Variants in C4orf17 observed in about 807,000 individuals in gnomAD.
The protein encoded by C4orf17 is uncharacterized protein C4orf17.
In C4orf17, 25 loss-of-function variants were observed where a neutral mutation model predicts 32.0. The observed-to-expected ratio is 0.78, with a 90% CI of 0.57 to 1.09. C4orf17 has a LOEUF of 1.09. Among genes scored for constraint, C4orf17 ranks in the 50% least tolerant of loss-of-function variants. The probability of loss-of-function intolerance (pLI) is 0.00; values close to 1 mark genes in which losing one functional copy is unlikely to be tolerated. For synonymous variants in C4orf17, 149 were observed against 145.8 expected (o/e 1.02, Z -0.16); for missense variants, 420 against 420.0 (o/e 1.00, Z 0.00).
chr4:99,524,696 C>T, intron 4 of C4orf17, 111 bp downstream of exon 4: 1 of 658,288 alleles, frequency 1.5e-6, no homozygotes, highest in Non-Finnish European at 2.7e-6. Context: ...ATTTTTACAG[C>T]TTTAGTAAAG....
chr4:99,538,223 C>G (rs115228296), intron 6 of C4orf17, among the ~76,000 whole-genome samples: 2,332 of 152,310 alleles, frequency 0.015, 32 homozygotes, highest in Non-Finnish European at 0.025. Flanking sequence ...CTCTTTTGGG[C>G]CCTTCCTGGC....
intron 2 of C4orf17, among the ~76,000 whole-genome samples, chr4:99,518,534 TATATATATATAGAGAGAG>T (rs1319743852): frequency 1.4e-5 from 1 of 72,596 alleles, no homozygotes; most frequent in Non-Finnish European, 2.4e-5. Context: ...TATATATATA[TATATATATATAGAGAGAG>T]AGAGAGAGAG....
At chr4:99,524,042 C>G (rs910512599) in intron 3 of C4orf17, among the ~76,000 whole-genome samples, 12 of 139,938 alleles carry the variant, frequency 8.6e-5, no homozygotes, top group South Asian at 2.3e-4. Context: ...TGCAGTGGTG[C>G]AATCTCCGCT....
intron 8 of C4orf17, 160 bp from the exon 9 acceptor site, chr4:99,541,749 GA>G (rs1008020791): frequency 8.3e-5 from 49 of 591,176 alleles, no homozygotes; most frequent in Admixed American, 1.3e-4. Context: ...GCATGTGGTG[GA>G]AAAAAAAAGA....
intron 5 of C4orf17, among the ~76,000 whole-genome samples, chr4:99,534,919 C>G (rs1024643030): frequency 2.6e-5 from 4 of 152,176 alleles, no homozygotes; most frequent in African/African-American, 9.6e-5. Context: ...CCTTCAGGAG[C>G]AAGGCAGGCC....
chr4:99,532,004 C>T (rs1723485154), intron 5 of C4orf17, among the ~76,000 whole-genome samples: 1 of 152,064 alleles, frequency 6.6e-6, no homozygotes, highest in Admixed American at 6.6e-5. Flanking sequence ...AACATAATTC[C>T]GTGTCTATTA....
At chr4:99,537,982 A>G (rs962982791) in intron 6 of C4orf17, among the ~76,000 whole-genome samples, 3 of 152,202 alleles carry the variant, frequency 2.0e-5, no homozygotes, top group African/African-American at 7.2e-5. Flanking sequence ...CATTTGGGTG[A>G]CATGAAACAC....
chr4:99,524,721 T>G, intron 4 of C4orf17, 136 bp downstream of exon 4: 1 of 569,496 alleles, frequency 1.8e-6, no homozygotes, highest in Middle Eastern at 4.0e-4. Flanking sequence ...ATTAACATAA[T>G]ATAAGATACA....
intron 4 of C4orf17, among the ~76,000 whole-genome samples, chr4:99,525,397 A>G (rs1359045920): frequency 6.6e-6 from 1 of 152,054 alleles, no homozygotes; most frequent in Non-Finnish European, 1.5e-5. Flanking sequence ...TTGTGGTTTT[A>G]ATTTGCATTT....
intron 2 of C4orf17, among the ~76,000 whole-genome samples, chr4:99,521,027 G>A (rs1020595232): frequency 1.3e-5 from 2 of 152,080 alleles, no homozygotes; most frequent in Non-Finnish European, 2.9e-5. Flanking sequence ...TAATTTGTTA[G>A]ATATTCTAAT....
At chr4:99,512,565 A>C (rs911119955) in intron 1 of C4orf17, among the ~76,000 whole-genome samples, 5 of 152,136 alleles carry the variant, frequency 3.3e-5, no homozygotes, top group African/African-American at 1.2e-4. Flanking sequence ...CTGGGTTTTA[A>C]AAGTACAATA....
intron 5 of C4orf17, among the ~76,000 whole-genome samples, chr4:99,530,238 CG>C (rs1723456561): frequency 6.6e-6 from 1 of 152,042 alleles, no homozygotes; most frequent in African/African-American, 2.4e-5. Flanking sequence ...TTCCATCTTT[CG>C]TTATCATCTT....
At chr4:99,529,401 G>A (rs1723440746) in intron 4 of C4orf17, among the ~76,000 whole-genome samples, 1 of 152,180 alleles carries the variant, frequency 6.6e-6, no homozygotes, top group African/African-American at 2.4e-5. Flanking sequence ...TTGCAGCAAG[G>A]AAGTAGCAAT....
At chr4:99,538,696 A>G (rs1445766391) in intron 6 of C4orf17, among the ~76,000 whole-genome samples, 1 of 152,196 alleles carries the variant, frequency 6.6e-6, no homozygotes, top group Non-Finnish European at 1.5e-5. Context: ...AGAAAAAAAG[A>G]GATGAGACAG....
intron 1 of C4orf17, among the ~76,000 whole-genome samples, chr4:99,511,925 A>T (rs1439723223): frequency 6.6e-6 from 1 of 152,192 alleles, no homozygotes; most frequent in Non-Finnish European, 1.5e-5. Flanking sequence ...TAGTATTTAT[A>T]TATATCAAAC....
chr4:99,542,022 A>G lies in C4orf17; in HGVS notation c.993A>G (p.Gly331=). The change falls in exon 9 of 9, where the codon GGA becomes GGG. Residue 331 remains glycine, a synonymous_variant. Coordinates refer to ENST00000326581, the MANE Select transcript of C4orf17 (RefSeq NM_032149.3). Reference sequence around the variant, plus strand: ...CCAGGCCTAACACTCAGGAGAGTGGATCAGCAAAACCAGTGTCAGCAAGGA... The same window carrying G: ...CCAGGCCTAACACTCAGGAGAGTGGGTCAGCAAAACCAGTGTCAGCAAGGA... ...SPPRPNTQES[G]SAKPVSARSI... is the part of the protein sequence containing the mutation. The G allele has an allele frequency of 6.2e-7, 1 of 1,614,108 alleles. No homozygotes were observed. Among genetic ancestry groups the G allele is most frequent in the East Asian group, 2.2e-5 (1 of 44,852 alleles).
intron 1 of C4orf17, among the ~76,000 whole-genome samples, chr4:99,512,048 G>T: frequency 6.6e-6 from 1 of 152,014 alleles, no homozygotes; most frequent in East Asian, 1.9e-4. Flanking sequence ...GTTCTAAAAA[G>T]GTAGTCAACG....
chr4:99,516,974 A>G (rs993328626), intron 2 of C4orf17, among the ~76,000 whole-genome samples: 9 of 151,244 alleles, frequency 6.0e-5, no homozygotes, highest in African/African-American at 2.2e-4. Flanking sequence ...CTATTGGCTC[A>G]AGTAACTGGA....
chr4:99,530,243 T>C (rs1723456639), intron 5 of C4orf17, among the ~76,000 whole-genome samples: 1 of 152,140 alleles, frequency 6.6e-6, no homozygotes, highest in African/African-American at 2.4e-5. Context: ...TCTTTCGTTA[T>C]CATCTTTCTA....
Sources: gnomAD v4.1 joint callset for allele counts (sites outside exome capture counted in the v4.1 genomes callset) on GRCh38, gnomAD v4.1.1 for gene constraint, MANE v1.5 for transcripts, NCBI Gene and HGNC (gene_info 2026-07-23, HGNC 2026-07-21) for gene names.